Variants in NTN1 observed in about 807,000 individuals in gnomAD.
The protein encoded by NTN1 is netrin-1.
NTN1 carries 11 observed loss-of-function variants against 54.2 expected under a neutral mutation model. The observed-to-expected ratio is 0.20, with a 90% CI of 0.13 to 0.34. NTN1 has a LOEUF of 0.34. Among genes scored for constraint, NTN1 ranks in the 10% least tolerant of loss-of-function variants. The probability of loss-of-function intolerance (pLI) is 1.00; values close to 1 mark genes in which losing one functional copy is unlikely to be tolerated. For missense variants in NTN1, 740 were observed against 893.1 expected, an observed-to-expected ratio of 0.83 and a Z score of 2.18; for synonymous variants, 371 against 382.0, an observed-to-expected ratio of 0.97 and a Z score of 0.33.
chr17:9,149,292 C>T (rs1043903616), intron 2 of NTN1, among the ~76,000 whole-genome samples: 9 of 152,052 alleles, frequency 5.9e-5, no homozygotes, highest in South Asian at 2.1e-4. Flanking sequence ...TGCCACCCCC[C>T]GAGCTGCTAA....
In NTN1 at chr17:9,239,574, G is replaced by A; in HGVS notation, c.1487-66G>A. 1 of 1,516,622 alleles carries A rather than the reference G, an allele frequency of 6.6e-7. No homozygotes were observed. The highest frequency in any genetic ancestry group is 9.0e-7 in the Non-Finnish European group (1 of 1,106,928). 93.9% of individuals were successfully genotyped at this position (1,516,622 alleles called of 1,614,324 possible). A position where few individuals can be genotyped will look rare whatever the true frequency, so the allele number is the denominator to read the frequency against. On this transcript the variant is annotated intron_variant, in intron 6 of 6. Transcript: ENST00000173229. The surrounding 1 kb of genome is among the most constrained non-coding windows in gnomAD (Gnocchi z 5.2). ...TGGGTCTCCTTTCCCTTCTCCCCAG[G>A]CTCAGGCAGGGCGGACCTAGCCACA...
chr17:9,039,652 G>C (rs999390517), intron 2 of NTN1, among the ~76,000 whole-genome samples: 2 of 152,100 alleles, frequency 1.3e-5, no homozygotes, highest in East Asian at 3.8e-4. Context: ...TGCTGTCTTG[G>C]TAATCCCTCC....
chr17:9,146,915 C>T (rs114071416), intron 2 of NTN1, among the ~76,000 whole-genome samples: 430 of 152,178 alleles, frequency 2.8e-3, no homozygotes, highest in African/African-American at 1.0e-2. Context: ...CTGGGTAATA[C>T]CCCGGCATCG....
In NTN1 at chr17:9,165,322, C is replaced by T. The variant is rs1171552180; in HGVS notation, c.1207+2321C>T. ...GCCTCTCACCACTCAGAGTGAGAGA[C>T]GTCAGGAAGCCACAGGGTCCCGGGA... On this transcript the variant is annotated intron_variant, in intron 3 of 6. Transcript: ENST00000173229. This position sits in a 1 kb window ranked among gnomAD's most constrained non-coding sequence, Gnocchi z 4.5. 6.6e-6 allele frequency among the ~76,000 whole-genome samples: 1 copy of T among 152,214 alleles called. No homozygotes were observed. Among genetic ancestry groups the T allele is most frequent in the African/African-American group, 2.4e-5 (1 of 41,450 alleles).
intron 5 of NTN1, among the ~76,000 whole-genome samples, chr17:9,217,785 C>T (rs986368043): frequency 1.4e-5 from 2 of 140,396 alleles, no homozygotes; most frequent in African/African-American, 5.4e-5. Context: ...ATCTGAAGGG[C>T]ATAGGGGACA....
At chr17:9,149,007 A>G (rs1335722562) in intron 2 of NTN1, among the ~76,000 whole-genome samples, 1 of 152,152 alleles carries the variant, frequency 6.6e-6, no homozygotes, top group Non-Finnish European at 1.5e-5. Flanking sequence ...TCTGGAGAAC[A>G]GAATCAACTG....
intron 5 of NTN1, among the ~76,000 whole-genome samples, chr17:9,193,588 A>G (rs1904525386): frequency 1.3e-5 from 2 of 152,164 alleles, no homozygotes; most frequent in Non-Finnish European, 2.9e-5. Context: ...TTCTCCCCCA[A>G]ATGTCTCCTC....
intron 2 of NTN1, among the ~76,000 whole-genome samples, chr17:9,101,767 A>C (rs772432000): frequency 6.6e-6 from 1 of 152,172 alleles, no homozygotes; most frequent in African/African-American, 2.4e-5. Flanking sequence ...CTGAGGCAGG[A>C]GGATTGCTTG....
chr17:9,037,560 A>C (rs562116722), intron 2 of NTN1, among the ~76,000 whole-genome samples: 4 of 152,158 alleles, frequency 2.6e-5, no homozygotes, highest in East Asian at 1.9e-4. Flanking sequence ...AATCATCTTG[A>C]AAATTATTAT....
At chr17:9,018,130 C>G (rs2091835535), upstream of NTN1, among the ~76,000 whole-genome samples, 1 of 152,058 alleles carries the variant, frequency 6.6e-6, no homozygotes, top group South Asian at 2.1e-4. Flanking sequence ...TCTAGACCTC[C>G]TGGATACAAG....
intron 2 of NTN1, among the ~76,000 whole-genome samples, chr17:9,113,937 C>A (rs1009966967): frequency 6.6e-6 from 1 of 151,250 alleles, no homozygotes; most frequent in African/African-American, 2.4e-5. Flanking sequence ...CCGAGGTGGG[C>A]GGATCACTTG....
chr17:9,050,663 C>T (rs2091957492), intron 2 of NTN1, among the ~76,000 whole-genome samples: 1 of 116,042 alleles, frequency 8.6e-6, no homozygotes, highest in African/African-American at 3.5e-5. Context: ...AGCGAGACTC[C>T]ATCTCAAAAA....
At chr17:9,202,029 T>C (rs530681974) in intron 5 of NTN1, among the ~76,000 whole-genome samples, 6 of 26,850 alleles carry the variant, frequency 2.2e-4, no homozygotes, top group South Asian at 4.9e-3. Context: ...CTACTAAAAA[T>C]ACACACACAC....
At chr17:9,176,061 C>G (rs1040313249) in intron 3 of NTN1, 1 of 152,264 alleles carries the variant, frequency 6.6e-6, no homozygotes, top group African/African-American at 2.4e-5. Context: ...GGGAGGCTCT[C>G]TCTTTGTCTC....
chr17:9,168,784 G>A (rs1282213731), intron 3 of NTN1, among the ~76,000 whole-genome samples: 1 of 152,186 alleles, frequency 6.6e-6, no homozygotes, highest in African/African-American at 2.4e-5. Context: ...GGCACCCTTT[G>A]AATATGTGGG....
intron 2 of NTN1, among the ~76,000 whole-genome samples, chr17:9,034,743 T>C (rs1462649974): frequency 6.6e-6 from 1 of 151,814 alleles, no homozygotes; most frequent in Admixed American, 6.6e-5. Flanking sequence ...TAAGTAAACT[T>C]CTTTATTGTA....
chr17:9,177,538 T>C (rs1320661779), intron 3 of NTN1: 1 of 152,214 alleles, frequency 6.6e-6, no homozygotes, highest in Non-Finnish European at 1.5e-5. Context: ...GAGGGGAGAA[T>C]GTCTTGGCAT....
At chr17:9,202,671 TA>T (rs944567961) in intron 5 of NTN1, among the ~76,000 whole-genome samples, 3 of 151,660 alleles carry the variant, frequency 2.0e-5, no homozygotes, top group African/African-American at 7.3e-5. Flanking sequence ...CACAAAACTG[TA>T]AAAAAAAATT....
intron 2 of NTN1, among the ~76,000 whole-genome samples, chr17:9,067,877 G>C (rs2092020238): frequency 6.6e-6 from 1 of 152,172 alleles, no homozygotes; most frequent in Non-Finnish European, 1.5e-5. Flanking sequence ...AGAAGCCTCT[G>C]GTGCAAACTC....
Sources: allele counts gnomAD v4.1 joint callset (sites outside exome capture counted in the v4.1 genomes callset), GRCh38; gene constraint gnomAD v4.1.1; non-coding constraint Gnocchi (gnomAD v3.1); transcripts MANE v1.5; gene names NCBI Gene and HGNC (gene_info 2026-07-23, HGNC 2026-07-21).